The following NEMP2 variants were observed in gnomAD, a reference collection of about 807,000 sequenced individuals.
NEMP2 encodes the protein nuclear envelope integral membrane protein 2, also known as UPF0571 transmembrane protein.
A neutral mutation model predicts 54.2 loss-of-function variants in NEMP2; 53 were observed. The ratio of observed to expected loss-of-function variants is 0.98; its 90% CI spans 0.78 to 1.23. NEMP2 has a LOEUF of 1.23. Among genes scored for constraint, NEMP2 ranks in the 50% most tolerant of loss-of-function variants. The pLI, the probability that NEMP2 is intolerant of heterozygous loss-of-function variation, is 0.00. For synonymous variants in NEMP2, 197 were observed against 190.3 expected (o/e 1.04, Z -0.29); for missense variants, 455 against 511.3 (o/e 0.89, Z 1.06).
the NEMP2 span, among the ~76,000 whole-genome samples, chr2:190,604,122 G>T: frequency 1.3e-5 from 2 of 152,210 alleles, no homozygotes; most frequent in Non-Finnish European, 2.9e-5. This position sits in a 1 kb window ranked among gnomAD's most constrained non-coding sequence, Gnocchi z 4.5. Flanking sequence ...GCTAGGGATG[G>T]TCTACGTGTC....
At chr2:190,556,790 G>A in the NEMP2 span, among the ~76,000 whole-genome samples, 1 of 152,222 alleles carries the variant, frequency 6.6e-6, no homozygotes, top group Non-Finnish European at 1.5e-5. Context: ...ACCTCTTCAA[G>A]GAGAACTACA....
chr2:190,484,443 T>C, the NEMP2 span, among the ~76,000 whole-genome samples: 3 of 152,342 alleles, frequency 2.0e-5, 1 homozygote, highest in South Asian at 6.2e-4. Context: ...ATAATATCTT[T>C]TGTCCCCTCT....
At chr2:190,423,208 A>G in the NEMP2 span, among the ~76,000 whole-genome samples, 1 of 152,212 alleles carries the variant, frequency 6.6e-6, no homozygotes, top group Non-Finnish European at 1.5e-5. The surrounding 1 kb of genome is among the most constrained non-coding windows in gnomAD (Gnocchi z 4.3). Flanking sequence ...ACATTGAGGC[A>G]GTCAAGATAC....
At chr2:190,462,596 A>C in the NEMP2 span, among the ~76,000 whole-genome samples, 1 of 152,176 alleles carries the variant, frequency 6.6e-6, no homozygotes, top group Admixed American at 6.6e-5. This position sits in a 1 kb window ranked among gnomAD's most constrained non-coding sequence, Gnocchi z 5.7. Context: ...TTCAGTGTGC[A>C]ACAGACTGTG....
intron 5 of NEMP2, among the ~76,000 whole-genome samples, 179 bp from the exon 6 acceptor site, chr2:190,516,563 T>G (rs1690565214): frequency 6.6e-6 from 1 of 152,198 alleles, no homozygotes; most frequent in Admixed American, 6.5e-5. Flanking sequence ...CGACATCACA[T>G]GGAGCTTGCT....
the NEMP2 span, among the ~76,000 whole-genome samples, chr2:190,468,745 C>T: frequency 1.3e-5 from 2 of 151,610 alleles, no homozygotes; most frequent in Non-Finnish European, 2.9e-5. Context: ...AGGCATGAGT[C>T]AATACACTCA....
the NEMP2 span, among the ~76,000 whole-genome samples, chr2:190,641,773 T>G: frequency 6.6e-6 from 1 of 152,140 alleles, no homozygotes; most frequent in African/African-American, 2.4e-5. Context: ...ATACAAGTCC[T>G]GCACAGTGGA....
chr2:190,482,886 T>TC, the NEMP2 span, among the ~76,000 whole-genome samples: 51 of 41,228 alleles, frequency 1.2e-3, no homozygotes, highest in African/African-American at 3.0e-3. Flanking sequence ...TTTTTTTTTT[T>TC]TTTTTTTTTT....
the NEMP2 span, among the ~76,000 whole-genome samples, chr2:190,481,620 G>C: frequency 6.6e-6 from 1 of 152,158 alleles, no homozygotes; most frequent in African/African-American, 2.4e-5. Context: ...TAAGCTCCTT[G>C]GTGGCTGGGG....
At chr2:190,459,523 TAAC>T in the NEMP2 span, among the ~76,000 whole-genome samples, 79 of 152,310 alleles carry the variant, frequency 5.2e-4, 1 homozygote, top group Middle Eastern at 6.8e-3. This position sits in a 1 kb window ranked among gnomAD's most constrained non-coding sequence, Gnocchi z 5.3. Context: ...CAGAAAAATA[TAAC>T]AACAAAACAG....
At chr2:190,629,910 C>T in the NEMP2 span, 1 of 152,214 alleles carries the variant, frequency 6.6e-6, no homozygotes, top group Admixed American at 6.5e-5. Context: ...AGAACTGTAA[C>T]AGGAAATAAA....
At chr2:190,511,719 T>TA (rs1315297212) in intron 7 of NEMP2, among the ~76,000 whole-genome samples, 1 of 150,940 alleles carries the variant, frequency 6.6e-6, no homozygotes, top group Non-Finnish European at 1.5e-5. Context: ...CACGCCCGGC[T>TA]AATTTGTGTA....
downstream of NEMP2, chr2:190,502,258 C>G (rs980941303): frequency 6.6e-6 from 1 of 152,186 alleles, no homozygotes; most frequent in African/African-American, 2.4e-5. The surrounding 1 kb of genome is among the most constrained non-coding windows in gnomAD (Gnocchi z 4.4). Context: ...CTTTTTCTTC[C>G]TGTCCCCAAA....
chr2:190,609,057 G>A, the NEMP2 span: 2 of 152,270 alleles, frequency 1.3e-5, no homozygotes, highest in Middle Eastern at 3.4e-3. The surrounding 1 kb of genome is among the most constrained non-coding windows in gnomAD (Gnocchi z 4.7). Flanking sequence ...TGGGGGTTGG[G>A]CTGCTATTTC....
the NEMP2 span, among the ~76,000 whole-genome samples, chr2:190,600,217 C>T: frequency 1.3e-5 from 2 of 152,206 alleles, no homozygotes; most frequent in South Asian, 2.1e-4. The surrounding 1 kb of genome is among the most constrained non-coding windows in gnomAD (Gnocchi z 4.9). Context: ...TTGTTTCTAA[C>T]TCTCATTGCT....
the NEMP2 span, among the ~76,000 whole-genome samples, chr2:190,448,413 T>A: frequency 6.6e-6 from 1 of 152,222 alleles, no homozygotes; most frequent in African/African-American, 2.4e-5. Flanking sequence ...ACAGTCTAAA[T>A]AGCCATCAAT....
At chr2:190,555,272 G>T in the NEMP2 span, among the ~76,000 whole-genome samples, 1 of 152,064 alleles carries the variant, frequency 6.6e-6, no homozygotes, top group Non-Finnish European at 1.5e-5. This position sits in a 1 kb window ranked among gnomAD's most constrained non-coding sequence, Gnocchi z 4.8. Flanking sequence ...TCCTCCAAAG[G>T]ATCACAACTC....
chr2:190,563,715 T>C, the NEMP2 span, among the ~76,000 whole-genome samples: 10 of 152,222 alleles, frequency 6.6e-5, no homozygotes, highest in Non-Finnish European at 1.3e-4. This position sits in a 1 kb window ranked among gnomAD's most constrained non-coding sequence, Gnocchi z 4.3. Context: ...ACCAATGAGA[T>C]AATGGCTTAT....
chr2:190,438,214 A>AT, the NEMP2 span, among the ~76,000 whole-genome samples: 11 of 24,226 alleles, frequency 4.5e-4, no homozygotes, highest in Middle Eastern at 0.01. This position sits in a 1 kb window ranked among gnomAD's most constrained non-coding sequence, Gnocchi z 5.2. Context: ...TCTTTTAGTT[A>AT]TAAAAAAAAA....
Sources: gnomAD v4.1 joint callset for allele counts (sites outside exome capture counted in the v4.1 genomes callset) on GRCh38, gnomAD v4.1.1 for gene constraint, Gnocchi (gnomAD v3.1) non-coding constraint, MANE v1.5 for transcripts, NCBI Gene and HGNC (gene_info 2026-07-23, HGNC 2026-07-21) for gene names.